Variants in TUBA8 observed in about 807,000 individuals in gnomAD.
TUBA8 encodes tubulin alpha-8 chain.
Under a neutral mutation model 34.7 loss-of-function variants are expected in TUBA8, and 29 were observed. That is an observed-to-expected ratio of 0.84 (90% CI 0.62 to 1.14). The LOEUF (loss-of-function observed/expected upper bound fraction) is 1.14. Ranked by LOEUF, TUBA8 falls within the 50% of genes most tolerant of loss-of-function variation. TUBA8 has a pLI of 0.00. For missense variants in TUBA8, 541 were observed against 599.2 expected, an observed-to-expected ratio of 0.90 and a Z score of 1.01; for synonymous variants, 226 against 231.2, an observed-to-expected ratio of 0.98 and a Z score of 0.21.
Position 18,121,665 on chromosome 22 carries a change from C to CG in TUBA8, c.193dup (p.Ala65GlyfsTer13), listed in dbSNP as rs748948078. 2 of 1,614,180 alleles carry CG rather than the reference C, an allele frequency of 1.2e-6. No individual in the cohort carries two copies. On this transcript the variant is annotated frameshift_variant, in exon 2 of 5. Coordinates refer to ENST00000330423, the MANE Select transcript of TUBA8 (RefSeq NM_018943.3). LOFTEE classifies it high-confidence loss of function. This position sits in a 1 kb window ranked among gnomAD's most constrained non-coding sequence, Gnocchi z 4.8. ...GACTGGCAATGGGAAGCATGTGCCCCGGGCCGTCATGATAGATCTGGAGCC... is the reference window on the plus strand; with the variant it reads ...GACTGGCAATGGGAAGCATGTGCCCCGGGGCCGTCATGATAGATCTGGAGCC...
chr22:18,122,738 C>T (rs1192712718), intron 2 of TUBA8: 1 of 152,152 alleles, frequency 6.6e-6, no homozygotes, highest in East Asian at 1.9e-4. Flanking sequence ...TCTTGGGGGT[C>T]TAGGTTCTGG....
chr22:18,124,003 A>G lies in TUBA8; in HGVS notation c.227-153A>G. On this transcript the variant is annotated intron_variant, in intron 2 of 4. Coordinates refer to ENST00000330423, the MANE Select transcript of TUBA8 (RefSeq NM_018943.3). The surrounding 1 kb of genome is among the most constrained non-coding windows in gnomAD (Gnocchi z 4.3). ...CCCTGAGCTACCCGGGAATTCTCTT[A>G]GCCTTTTGCAGATTCATTACGAGGT... 1.1e-6 allele frequency: 1 copy of G among 903,416 alleles called. No homozygotes were observed. Among genetic ancestry groups the G allele is most frequent in the Admixed American group, 2.0e-5 (1 of 49,376 alleles). 56.0% of individuals were successfully genotyped at this position (903,416 alleles called of 1,614,324 possible).
At position 18,130,971 on chromosome 22, in the gene TUBA8, C is replaced by T. The variant is rs552127843; in HGVS notation, c.1185C>T (p.Phe395=). The T allele has an allele frequency of 2.1e-5, 34 of 1,614,076 alleles. 1 individual carries two copies. In the Middle Eastern group the frequency reaches 4.9e-4, roughly 23 times the overall value. The change falls in exon 5 of 5, where the codon TTC becomes TTT. Residue 395 remains phenylalanine, a synonymous_variant. Coordinates refer to ENST00000330423, the MANE Select transcript of TUBA8 (RefSeq NM_018943.3). ...AEAWARLDHK[F]DLMYAKRAFV... The stretch of plus-strand genomic sequence containing the variant: ...CCTGGGCCCGCCTCGACCACAAGTT[C>T]GACCTCATGTACGCCAAGCGGGCCT...
In TUBA8 at chr22:18,131,297, T is replaced by G. The variant is rs1928505815; in HGVS notation, c.*161T>G. The G allele has an allele frequency of 2.8e-6, 2 of 710,244 alleles. No individual in the cohort carries two copies. 44.0% of individuals were successfully genotyped at this position (710,244 alleles called of 1,614,324 possible). A position where few individuals can be genotyped will look rare whatever the true frequency, so the allele number is the denominator to read the frequency against. ...CCCAGGGTGGCACGACTGGGCTAAG[T>G]GGACACTGAGCTTCATCAGGCCCTC... On this transcript the variant is annotated 3_prime_UTR_variant, in exon 5 of 5. Coordinates refer to ENST00000330423, the MANE Select transcript of TUBA8 (RefSeq NM_018943.3). The surrounding 1 kb of genome is among the most constrained non-coding windows in gnomAD (Gnocchi z 5.3).
rs758782368 is a variant in TUBA8, at chr22:18,126,532, A to G, written c.554A>G (p.Tyr185Cys). The change falls in exon 4 of 5, where the codon TAC (tyrosine) becomes TGC (cysteine). Residue 185 changes from tyrosine to cysteine, a missense_variant. By Grantham distance (194) the Tyr-to-Cys change is radical. Coordinates refer to ENST00000330423, the MANE Select transcript of TUBA8 (RefSeq NM_018943.3). The surrounding 1 kb of genome is among the most constrained non-coding windows in gnomAD (Gnocchi z 4.0). ...GTCTCTACTGCAGTGGTGGAGCCCT[A>G]CAACTCCATCCTGACCACCCACACC... The part of the protein sequence containing the change: ...PQVSTAVVEP[Y>C]NSILTTHTTL... 42 of 1,614,138 alleles carry G rather than the reference A, an allele frequency of 2.6e-5. No individual in the cohort carries two copies. In the Admixed American group the frequency reaches 6.7e-4, roughly 26 times the overall value.
At chr22:18,127,382 A>G (rs1330960125) in intron 4 of TUBA8, 1 of 208,398 alleles carries the variant, frequency 4.8e-6, no homozygotes, top group Non-Finnish European at 9.4e-6. Context: ...CAATTTGCCT[A>G]ACGTTAGTTT....
intron 1 of TUBA8, chr22:18,115,038 T>C (rs575063478): frequency 2.0e-5 from 3 of 152,196 alleles, no homozygotes; most frequent in Non-Finnish European, 2.9e-5. Context: ...ATTTCTTTTA[T>C]TGATGCTCTG....
intron 1 of TUBA8, chr22:18,114,035 G>C (rs1340001567): frequency 6.6e-6 from 1 of 152,000 alleles, no homozygotes; most frequent in Admixed American, 6.6e-5. Flanking sequence ...ATGGGGGTGG[G>C]CAGGAGGATG....
intron 4 of TUBA8, chr22:18,128,324 G>A (rs1928401401): frequency 6.6e-6 from 1 of 152,174 alleles, no homozygotes; most frequent in African/African-American, 2.4e-5. Flanking sequence ...GAGAGTCAGT[G>A]GGGAGATACA....
chr22:18,131,158 G>A lies in TUBA8; in HGVS notation c.*22G>A. The A allele has an allele frequency of 1.2e-6, 2 of 1,609,552 alleles. No homozygotes were observed. The highest frequency in any genetic ancestry group is 1.1e-5 in the South Asian group (1 of 90,962). On this transcript the variant is annotated 3_prime_UTR_variant, in exon 5 of 5. Transcript: ENST00000330423. This position sits in a 1 kb window ranked among gnomAD's most constrained non-coding sequence, Gnocchi z 5.3. Reference sequence around the variant, plus strand: ...TTAAATATATACCTTCCCCTTGGCTGTGTCTCTTTATTTATGCTGTGCCAT... The same window carrying A: ...TTAAATATATACCTTCCCCTTGGCTATGTCTCTTTATTTATGCTGTGCCAT...
chr22:18,122,566 G>C (rs1928178758), intron 2 of TUBA8: 1 of 152,126 alleles, frequency 6.6e-6, no homozygotes. Flanking sequence ...TATCCGCTTT[G>C]TGTGGACCCT....
intron 1 of TUBA8, chr22:18,115,425 C>T (rs1927936981): frequency 6.6e-6 from 1 of 152,302 alleles, no homozygotes; most frequent in Non-Finnish European, 1.5e-5. Context: ...TGCAGCCCCT[C>T]AGGGAAGGTT....
intron 4 of TUBA8, chr22:18,127,363 G>T: frequency 1.3e-5 from 3 of 226,458 alleles, no homozygotes; most frequent in Non-Finnish European, 1.7e-5. Flanking sequence ...TGGTGTTCAT[G>T]ATTTGGTTCA....
chr22:18,110,976 C>T lies in TUBA8; in HGVS notation c.3+108C>T, dbSNP rs1927785927. Reference sequence around the variant, plus strand: ...CCCGTCTTCCTGGAGCCGCAGGGCTCAAGGCCTTCTGGGGGTGGCAGTTCA... The same window carrying T: ...CCCGTCTTCCTGGAGCCGCAGGGCTTAAGGCCTTCTGGGGGTGGCAGTTCA... On this transcript the variant is annotated intron_variant, in intron 1 of 4. Transcript: ENST00000330423. The surrounding 1 kb of genome is among the most constrained non-coding windows in gnomAD (Gnocchi z 6.2). 2.0e-6 allele frequency: 3 copies of T among 1,507,706 alleles called. No homozygotes were observed. Among genetic ancestry groups the T allele is most frequent in the Non-Finnish European group, 2.7e-6 (3 of 1,124,046 alleles). 93.4% of individuals were successfully genotyped at this position (1,507,706 alleles called of 1,614,324 possible).
intron 2 of TUBA8, chr22:18,123,689 C>T (rs1255278598): frequency 1.0e-5 from 2 of 197,736 alleles, no homozygotes; most frequent in East Asian, 2.4e-4. Context: ...ATTCTCCTGC[C>T]TCAGGCCTCC....
In TUBA8 at chr22:18,124,178, C is replaced by T. The variant is rs774431958; in HGVS notation, c.249C>T (p.Tyr83=). ...AAGATGAGGTTCGGGCAGGAACCTA[C>T]CGCCAGCTCTTCCATCCAGAGCAGC... is the stretch of plus-strand genomic sequence containing the variant. The part of the protein sequence containing the change: ...TVVDEVRAGT[Y]RQLFHPEQLI... Residue 83 remains tyrosine (Y), a synonymous_variant, in exon 3 of 5, where the codon TAC becomes TAT. Coordinates refer to ENST00000330423, the MANE Select transcript of TUBA8 (RefSeq NM_018943.3). This position sits in a 1 kb window ranked among gnomAD's most constrained non-coding sequence, Gnocchi z 4.3. 1.3e-4 allele frequency: 210 copies of T among 1,614,064 alleles called. 1 individual carries two copies. The South Asian group carries it at 1.4e-3, about 11-fold the overall frequency.
At chr22:18,129,459 G>A (rs79388972) in intron 4 of TUBA8, 5,099 of 152,340 alleles carry the variant, frequency 0.033, 118 homozygotes, top group Non-Finnish European at 0.055. Flanking sequence ...ACTTGACTCA[G>A]GTCAAGAGAT....
rs758220027 is a variant in TUBA8 at position 18,126,646 on chromosome 22, C to T, written c.668C>T (p.Thr223Ile). ...AGGAACCTTGACATTGAGCGCCCTA[C>T]CTATACCAACCTCAACCGCCTCATC... is the stretch of plus-strand genomic sequence containing the variant. ...CRRNLDIERP[T>I]YTNLNRLISQ... The change falls in exon 4 of 5, where the codon ACC becomes ATC. Residue 223 changes from threonine to isoleucine, a missense_variant. Transcript: ENST00000330423. The surrounding 1 kb of genome is among the most constrained non-coding windows in gnomAD (Gnocchi z 4.0). 4.3e-6 allele frequency: 7 copies of T among 1,614,140 alleles called. No homozygotes were observed. Among genetic ancestry groups the T allele is most frequent in the Admixed American group, 3.3e-5 (2 of 60,016 alleles).
chr22:18,125,937 C>T (rs944047434), intron 3 of TUBA8: 25 of 262,476 alleles, frequency 9.5e-5, no homozygotes, highest in African/African-American at 4.5e-4. Flanking sequence ...TCATAGATTT[C>T]TGCAGCCATG....
Sources: allele counts gnomAD v4.1 joint callset, GRCh38; gene constraint gnomAD v4.1.1; non-coding constraint Gnocchi (gnomAD v3.1); transcripts MANE v1.5; gene names NCBI Gene and HGNC (gene_info 2026-07-23, HGNC 2026-07-21).